Variants in CNTN5 observed in about 807,000 individuals in gnomAD.
The protein encoded by CNTN5 is contactin-5.
A neutral mutation model predicts 129.1 loss-of-function variants in CNTN5; 77 were observed. The ratio of observed to expected loss-of-function variants is 0.60; its 90% CI spans 0.50 to 0.72. The LOEUF (loss-of-function observed/expected upper bound fraction) is 0.72, where lower values mean the gene tolerates loss of function less well. CNTN5 is among the 30% of genes least tolerant of loss of function. CNTN5 has a pLI of 0.00. For synonymous variants in CNTN5, 509 were observed against 465.6 expected, an observed-to-expected ratio of 1.09 and a Z score of -1.20; for missense variants, 1,478 against 1,328.8, an observed-to-expected ratio of 1.11 and a Z score of -1.75.
intron 13 of CNTN5, among the ~76,000 whole-genome samples, chr11:100,188,794 C>T (rs372952870): frequency 1.3e-5 from 2 of 152,120 alleles, no homozygotes; most frequent in East Asian, 1.9e-4. Context: ...TTCATTGTAG[C>T]ACTAGTCACA....
intron 1 of CNTN5, among the ~76,000 whole-genome samples, chr11:99,250,211 C>T (rs990567591): frequency 2.6e-5 from 4 of 151,840 alleles, no homozygotes; most frequent in Admixed American, 6.6e-5. Flanking sequence ...TCCTGTGTTC[C>T]AAAAATCAAT....
intron 3 of CNTN5, among the ~76,000 whole-genome samples, chr11:99,682,026 A>G (rs748041514): frequency 6.6e-6 from 1 of 152,018 alleles, no homozygotes; most frequent in Non-Finnish European, 1.5e-5. Flanking sequence ...TTTTAGGTCT[A>G]GGCAAAAAAT....
rs1185140879 is a variant in CNTN5 at position 100,357,785 on chromosome 11, T to C, written c.*1565T>C. 1 of 151,742 alleles carries C rather than the reference T, an allele frequency of 6.6e-6. No individual in the cohort carries two copies. Among genetic ancestry groups the C allele is most frequent in the Admixed American group, 6.6e-5 (1 of 15,160 alleles). 9.4% of individuals were successfully genotyped at this position (151,742 alleles called of 1,614,324 possible). A position where few individuals can be genotyped will look rare whatever the true frequency, so the allele number is the denominator to read the frequency against. On this transcript the variant is annotated 3_prime_UTR_variant, in exon 25 of 25. Transcript: ENST00000524871. ...GTTAATCCTTGTAGAATCAGAGAAG[T>C]GATTGAAGTTTCTGTTCTGAACATC...
At chr11:100,260,801 TAGTA>T (rs1950179671) in intron 17 of CNTN5, among the ~76,000 whole-genome samples, 1 of 152,112 alleles carries the variant, frequency 6.6e-6, no homozygotes, top group Admixed American at 6.6e-5. Flanking sequence ...TATCTCAAAA[TAGTA>T]AGAGTTATTT....
chr11:99,199,967 A>ACATCATCATCAT (rs147514290), intron 1 of CNTN5, among the ~76,000 whole-genome samples: 1 of 151,416 alleles, frequency 6.6e-6, no homozygotes, highest in Non-Finnish European at 1.5e-5. Flanking sequence ...ATATCCATCA[A>ACATCATCATCAT]CATCATCATC....
chr11:99,545,924 G>T (rs1285433801), intron 2 of CNTN5, among the ~76,000 whole-genome samples: 1 of 152,110 alleles, frequency 6.6e-6, no homozygotes, highest in African/African-American at 2.4e-5. Flanking sequence ...ATTATTAGAA[G>T]AACTTCTCCT....
intron 1 of CNTN5, among the ~76,000 whole-genome samples, chr11:99,114,731 C>G (rs1280710911): frequency 1.3e-5 from 2 of 152,094 alleles, no homozygotes; most frequent in Non-Finnish European, 2.9e-5. Context: ...GTTTGTTCCT[C>G]GTAAACATTC....
At chr11:99,411,531 A>C (rs1942391086) in intron 2 of CNTN5, among the ~76,000 whole-genome samples, 1 of 150,742 alleles carries the variant, frequency 6.6e-6, no homozygotes, top group African/African-American at 2.4e-5. Context: ...AAAATAAATA[A>C]ATAAATACAA....
At chr11:99,298,255 C>G (rs1165245667) in intron 1 of CNTN5, among the ~76,000 whole-genome samples, 2 of 152,172 alleles carry the variant, frequency 1.3e-5, no homozygotes, top group Non-Finnish European at 2.9e-5. Flanking sequence ...AGAATCACAG[C>G]AGATTCACAG....
chr11:99,593,314 C>G (rs1031296443), intron 3 of CNTN5, among the ~76,000 whole-genome samples: 3 of 152,160 alleles, frequency 2.0e-5, no homozygotes, highest in African/African-American at 7.2e-5. Flanking sequence ...AACAACAACT[C>G]TGTGTTCCAG....
intron 3 of CNTN5, among the ~76,000 whole-genome samples, chr11:99,567,293 GTTTTTTTCT>G (rs1306780806): frequency 6.6e-6 from 1 of 152,076 alleles, no homozygotes; most frequent in African/African-American, 2.4e-5. Context: ...AATACATATA[GTTTTTTTCT>G]TCTGAATCAC....
At chr11:100,130,401 C>G (rs1157778736) in intron 13 of CNTN5, among the ~76,000 whole-genome samples, 1 of 152,036 alleles carries the variant, frequency 6.6e-6, no homozygotes, top group Non-Finnish European at 1.5e-5. Flanking sequence ...AAAGCTATAA[C>G]AGAACAGAAT....
intron 8 of CNTN5, among the ~76,000 whole-genome samples, chr11:99,991,411 G>A (rs1397166808): frequency 6.6e-6 from 1 of 152,150 alleles, no homozygotes; most frequent in Non-Finnish European, 1.5e-5. Context: ...AGCTTGCAGT[G>A]AGCCGAGATT....
chr11:99,568,179 T>C (rs763107055), intron 3 of CNTN5, among the ~76,000 whole-genome samples: 2 of 152,212 alleles, frequency 1.3e-5, no homozygotes, highest in Non-Finnish European at 2.9e-5. Flanking sequence ...TGTTTTGGAA[T>C]CTAGAAGATG....
intron 9 of CNTN5, among the ~76,000 whole-genome samples, chr11:100,060,193 A>G (rs1022173096): frequency 1.3e-5 from 2 of 151,098 alleles, no homozygotes; most frequent in African/African-American, 4.9e-5. Flanking sequence ...GCGAAAGAGC[A>G]AGACTCTGTC....
At chr11:99,571,594 A>G (rs1354054707) in intron 3 of CNTN5, among the ~76,000 whole-genome samples, 1 of 152,122 alleles carries the variant, frequency 6.6e-6, no homozygotes, top group Non-Finnish European at 1.5e-5. Flanking sequence ...AAACTCAGGA[A>G]GCACATCTTT....
rs374658015 is a variant in CNTN5, at chr11:100,039,079, C to G, written c.981-22133C>G. Reference sequence around the variant, plus strand: ...TTCCTAGCCTTGATGGTCTTTACAACTTGGCATGTTTTTGCAGTGGCTGGT... The same window carrying G: ...TTCCTAGCCTTGATGGTCTTTACAAGTTGGCATGTTTTTGCAGTGGCTGGT... On this transcript the variant is annotated intron_variant, in intron 9 of 24. Transcript: ENST00000524871. Among the ~76,000 whole-genome samples, 61 of 152,212 alleles carry G rather than the reference C, an allele frequency of 4.0e-4. 3 individuals carry two copies. The East Asian group carries it at 7.0e-3, about 17-fold the overall frequency.
intron 8 of CNTN5, among the ~76,000 whole-genome samples, chr11:99,959,163 T>G (rs1950878310): frequency 6.6e-6 from 1 of 152,192 alleles, no homozygotes; most frequent in Non-Finnish European, 1.5e-5. Context: ...ACCCTGTGAC[T>G]GCCTTGAGAT....
Position 100,045,248 on chromosome 11 carries a change from A to G in CNTN5, c.981-15964A>G, listed in dbSNP as rs1004909889. On this transcript the variant is annotated intron_variant, in intron 9 of 24. Transcript: ENST00000524871. The stretch of plus-strand genomic sequence containing the variant: ...TGGTTAGGCAGAAGCCAGGAAGTCA[A>G]TGGATATACCACAGAAAATTAAGAC... Among the ~76,000 whole-genome samples the G allele has an allele frequency of 9.2e-5, 14 of 152,308 alleles. No individual in the cohort carries two copies. In the South Asian group the frequency reaches 2.7e-3, roughly 29 times the overall value.
Sources: gnomAD v4.1 joint callset for allele counts (sites outside exome capture counted in the v4.1 genomes callset) on GRCh38, gnomAD v4.1.1 for gene constraint, MANE v1.5 for transcripts, NCBI Gene and HGNC (gene_info 2026-07-23, HGNC 2026-07-21) for gene names.